Variants in SUSD6 observed in about 807,000 individuals in gnomAD.
SUSD6 encodes sushi domain containing 6.
A neutral mutation model predicts 28.4 loss-of-function variants in SUSD6; 16 were observed. The ratio of observed to expected loss-of-function variants is 0.56; its 90% CI spans 0.38 to 0.86. The LOEUF is 0.86. Among genes scored for constraint, SUSD6 ranks in the 40% least tolerant of loss-of-function variants. The pLI is 0.00. For missense variants in SUSD6, 341 were observed against 384.2 expected, an observed-to-expected ratio of 0.89 and a Z score of 0.94; for synonymous variants, 147 against 159.6, an observed-to-expected ratio of 0.92 and a Z score of 0.59.
intron 1 of SUSD6, among the ~76,000 whole-genome samples, chr14:69,612,512 C>T (rs563562955): frequency 1.3e-5 from 2 of 151,946 alleles, no homozygotes; most frequent in East Asian, 3.9e-4. Flanking sequence ...CTGACTCTCC[C>T]TCATGGGAGT....
Position 69,711,053 on chromosome 14 carries a change from C to CT in SUSD6, c.*75dup. On this transcript the variant is annotated 3_prime_UTR_variant, in exon 6 of 6. Coordinates refer to ENST00000342745, the MANE Select transcript of SUSD6 (RefSeq NM_014734.4). ...CCCTCTCCCTGTGGGATTGAGCACC[C>CT]TGTACTCTCCAGCCACCTTACCTGG... The CT allele has an allele frequency of 6.8e-7, 1 of 1,470,012 alleles. No individual in the cohort carries two copies. The highest frequency in any genetic ancestry group is 9.5e-7 in the Non-Finnish European group (1 of 1,049,406). 91.1% of individuals were successfully genotyped at this position (1,470,012 alleles called of 1,614,324 possible).
intron 5 of SUSD6, among the ~76,000 whole-genome samples, chr14:69,709,831 T>G (rs1886437363): frequency 6.6e-6 from 1 of 152,220 alleles, no homozygotes; most frequent in South Asian, 2.1e-4. Context: ...GAAAGCTGTC[T>G]TTAAGGTAAA....
At chr14:69,622,232 G>A (rs932607240) in intron 1 of SUSD6, among the ~76,000 whole-genome samples, 5 of 151,996 alleles carry the variant, frequency 3.3e-5, no homozygotes, top group African/African-American at 7.3e-5. Flanking sequence ...TGGTACCATC[G>A]CGGCTCGCTG....
At chr14:69,664,982 G>A (rs1004271559) in intron 2 of SUSD6, among the ~76,000 whole-genome samples, 1 of 152,174 alleles carries the variant, frequency 6.6e-6, no homozygotes, top group Non-Finnish European at 1.5e-5. Context: ...CCTGCAGAGG[G>A]TGTGAGGAGC....
At chr14:69,662,248 C>T (rs1403609431) in intron 2 of SUSD6, among the ~76,000 whole-genome samples, 1 of 152,106 alleles carries the variant, frequency 6.6e-6, no homozygotes, top group African/African-American at 2.4e-5. Flanking sequence ...CTGAGAATAC[C>T]ACTAGACATA....
At position 69,712,787 on chromosome 14, in the gene SUSD6, G is replaced by C. The variant is rs1886483981; in HGVS notation, c.*1808G>C. 3 of 152,602 alleles carry C rather than the reference G, an allele frequency of 2.0e-5. No individual in the cohort carries two copies. The highest frequency in any genetic ancestry group is 4.4e-5 in the Non-Finnish European group (3 of 68,392). 9.5% of individuals were successfully genotyped at this position (152,602 alleles called of 1,614,324 possible). On this transcript the variant is annotated 3_prime_UTR_variant, in exon 6 of 6. Transcript: ENST00000342745. ...TCCTCTCAGGGTAAGGGCAGTGCCT[G>C]CTGTGCCTGTTGGCCACTCCCACAC...
intron 1 of SUSD6, among the ~76,000 whole-genome samples, chr14:69,654,995 G>A (rs1420778181): frequency 1.3e-5 from 2 of 151,858 alleles, no homozygotes; most frequent in Admixed American, 6.6e-5. Flanking sequence ...GGGTTTCACC[G>A]TTTTGGCCAG....
intron 4 of SUSD6, 149 bp downstream of exon 4, chr14:69,704,891 C>T (rs1212884632): frequency 2.8e-6 from 2 of 714,570 alleles, no homozygotes; most frequent in African/African-American, 1.8e-5. Context: ...GTGTCAAACT[C>T]CTAGATGTGC....
At chr14:69,692,001 T>G (rs1013395930) in intron 2 of SUSD6, among the ~76,000 whole-genome samples, 1 of 146,444 alleles carries the variant, frequency 6.8e-6, no homozygotes, top group Non-Finnish European at 1.5e-5. Context: ...ATCATGCCAC[T>G]GCACTCCAGC....
intron 1 of SUSD6, among the ~76,000 whole-genome samples, chr14:69,636,796 G>A (rs543382956): frequency 6.6e-6 from 1 of 152,272 alleles, no homozygotes; most frequent in African/African-American, 2.4e-5. Context: ...AACAGTTCTG[G>A]GCCTGGCTCT....
At chr14:69,683,051 C>T (rs1018077743) in intron 2 of SUSD6, among the ~76,000 whole-genome samples, 3 of 136,596 alleles carry the variant, frequency 2.2e-5, no homozygotes, top group African/African-American at 7.9e-5. Flanking sequence ...CCTGTTTAAA[C>T]AGGGTGCCCT....
chr14:69,652,613 C>T (rs1595042909), intron 1 of SUSD6, among the ~76,000 whole-genome samples: 1 of 152,204 alleles, frequency 6.6e-6, no homozygotes, highest in South Asian at 2.1e-4. Flanking sequence ...TGACCTTGCA[C>T]CTTCAGCAGG....
chr14:69,641,351 C>A (rs1437678452), intron 1 of SUSD6, among the ~76,000 whole-genome samples: 1 of 149,616 alleles, frequency 6.7e-6, no homozygotes, highest in East Asian at 1.9e-4. Flanking sequence ...TTTTTCTGTG[C>A]CTTGCTACCT....
chr14:69,682,819 AAGT>A (rs1886016333), intron 2 of SUSD6, among the ~76,000 whole-genome samples: 1 of 152,130 alleles, frequency 6.6e-6, no homozygotes, highest in Non-Finnish European at 1.5e-5. Context: ...TGATCATAAG[AAGT>A]TGCCTCCCTT....
chr14:69,703,676 G>A, intron 3 of SUSD6, 84 bp downstream of exon 3: 2 of 1,300,742 alleles, frequency 1.5e-6, no homozygotes, highest in Non-Finnish European at 2.2e-6. Context: ...TTCCTCCAGA[G>A]CACTCTTTGC....
intron 1 of SUSD6, among the ~76,000 whole-genome samples, chr14:69,628,721 T>G (rs1311521359): frequency 4.9e-4 from 6 of 12,274 alleles, no homozygotes; most frequent in African/African-American, 9.9e-4. Context: ...TGTGGTGGGT[T>G]TTTTTTTTTT....
At chr14:69,691,247 G>A (rs1441970256) in intron 2 of SUSD6, among the ~76,000 whole-genome samples, 1 of 152,180 alleles carries the variant, frequency 6.6e-6, no homozygotes, top group African/African-American at 2.4e-5. Flanking sequence ...AGAGGCTGAG[G>A]CATGAGAATT....
intron 1 of SUSD6, among the ~76,000 whole-genome samples, chr14:69,637,967 T>C (rs1401192882): frequency 2.0e-5 from 3 of 152,182 alleles, no homozygotes; most frequent in Non-Finnish European, 4.4e-5. Flanking sequence ...AGGTCTTGGT[T>C]TTGTTCCAGC....
At chr14:69,638,679 A>G (rs1343216271) in intron 1 of SUSD6, among the ~76,000 whole-genome samples, 2 of 152,176 alleles carry the variant, frequency 1.3e-5, no homozygotes, top group African/African-American at 4.8e-5. Flanking sequence ...TTCATTTCTA[A>G]CAAGCTCCCA....
Sources: gnomAD v4.1 joint callset for allele counts (sites outside exome capture counted in the v4.1 genomes callset) on GRCh38, gnomAD v4.1.1 for gene constraint, MANE v1.5 for transcripts, NCBI Gene and HGNC (gene_info 2026-07-23, HGNC 2026-07-21) for gene names.